CDH2: variants seen among roughly 807,000 people sequenced by gnomAD.
CDH2 encodes the protein cadherin-2.
CDH2 carries 17 observed loss-of-function variants against 92.0 expected under a neutral mutation model. The ratio of observed to expected loss-of-function variants is 0.18; its 90% CI spans 0.13 to 0.28. CDH2 has a LOEUF of 0.28. Among genes scored for constraint, CDH2 ranks in the 10% least tolerant of loss-of-function variants. The pLI is 1.00. For synonymous variants in CDH2, 419 were observed against 415.9 expected, an observed-to-expected ratio of 1.01 and a Z score of -0.09; for missense variants, 862 against 1,133.1, an observed-to-expected ratio of 0.76 and a Z score of 3.44.
At chr18:28,053,893 C>T (rs959807558) in intron 2 of CDH2, among the ~76,000 whole-genome samples, 2 of 152,102 alleles carry the variant, frequency 1.3e-5, no homozygotes, top group Admixed American at 6.6e-5. Flanking sequence ...ATCTTTCTTA[C>T]GGGCTCCCGA....
At chr18:27,938,112 C>T (rs17467823) in intron 6 of CDH2, among the ~76,000 whole-genome samples, 38 of 152,058 alleles carry the variant, frequency 2.5e-4, no homozygotes, top group Non-Finnish European at 4.3e-4. Flanking sequence ...TGTGGCACCG[C>T]CCCCATCTCT....
In CDH2 at chr18:28,013,830, A is replaced by T. The variant is rs2144038346; in HGVS notation, c.252T>A (p.Asp84Glu). ...AGCTTCTCACGGCATACACCATGCC[A>T]TCTTCATCCACCTTAAAATCTGCAG... Reference protein sequence around the residue: ...SEPADFKVDEDGMVYAVRSFP... With the variant: ...SEPADFKVDEEGMVYAVRSFP... Residue 84 changes from aspartate to glutamate, a missense_variant, in exon 3 of 16, where the codon GAT becomes GAA. Asp to Glu is a conservative substitution (Grantham distance 45). This residue lies in a region of CDH2 where 159 missense variants were observed against 177.2 expected (regional missense o/e 0.90). Coordinates refer to ENST00000269141, the MANE Select transcript of CDH2 (RefSeq NM_001792.5). 3 of 1,613,994 alleles carry T rather than the reference A, an allele frequency of 1.9e-6. No individual in the cohort carries two copies. Among genetic ancestry groups the T allele is most frequent in the Non-Finnish European group, 2.5e-6 (3 of 1,179,900 alleles).
chr18:28,142,923 T>C (rs902496274), intron 2 of CDH2, among the ~76,000 whole-genome samples: 1 of 152,040 alleles, frequency 6.6e-6, no homozygotes, highest in Admixed American at 6.6e-5. Flanking sequence ...TATTAAAAAA[T>C]AGAAGAGTTG....
chr18:27,948,783 T>C (rs1208836857), downstream of CDH2, among the ~76,000 whole-genome samples: 1 of 151,900 alleles, frequency 6.6e-6, no homozygotes, highest in East Asian at 1.9e-4. Context: ...TCCAGGACTG[T>C]TGAGGATGAG....
intron 2 of CDH2, among the ~76,000 whole-genome samples, chr18:28,098,004 C>A (rs2015165281): frequency 1.3e-5 from 2 of 151,918 alleles, no homozygotes; most frequent in Admixed American, 6.6e-5. Context: ...TATCCTGTGT[C>A]CCAAAATTTC....
chr18:28,123,312 T>C (rs527336714), intron 2 of CDH2, among the ~76,000 whole-genome samples: 1 of 152,280 alleles, frequency 6.6e-6, no homozygotes, highest in Non-Finnish European at 1.5e-5. Flanking sequence ...TCTCAGATGC[T>C]ATGATGATCC....
intron 2 of CDH2, among the ~76,000 whole-genome samples, chr18:28,020,483 T>C (rs2013380401): frequency 6.6e-6 from 1 of 151,986 alleles, no homozygotes; most frequent in South Asian, 2.1e-4. Context: ...CATGGACATT[T>C]GACTGCTGTA....
chr18:28,022,873 A>C (rs1387492228), intron 2 of CDH2, among the ~76,000 whole-genome samples: 1 of 152,092 alleles, frequency 6.6e-6, no homozygotes, highest in Non-Finnish European at 1.5e-5. Context: ...CTGTGTGTGT[A>C]ATATTTTTAT....
chr18:28,030,277 C>T (rs1035739224), intron 2 of CDH2, among the ~76,000 whole-genome samples: 4 of 151,142 alleles, frequency 2.6e-5, no homozygotes, highest in African/African-American at 7.3e-5. Flanking sequence ...CAGAAAAAAA[C>T]ACGCACCTAA....
At chr18:28,127,655 C>G (rs1440678310) in intron 2 of CDH2, among the ~76,000 whole-genome samples, 1 of 152,078 alleles carries the variant, frequency 6.6e-6, no homozygotes, top group East Asian at 1.9e-4. Context: ...CCTGCAAATA[C>G]TTATGAATAC....
At chr18:28,092,224 G>A (rs965473239) in intron 2 of CDH2, among the ~76,000 whole-genome samples, 21 of 152,152 alleles carry the variant, frequency 1.4e-4, no homozygotes, top group African/African-American at 4.6e-4. Flanking sequence ...AGTCTAACAT[G>A]TAATGACAGT....
chr18:28,041,286 A>T (rs1345913652), intron 2 of CDH2, among the ~76,000 whole-genome samples: 1 of 152,216 alleles, frequency 6.6e-6, no homozygotes, highest in African/African-American at 2.4e-5. Flanking sequence ...AGTGAAAAAC[A>T]TTTTACTTAG....
At chr18:27,963,335 G>C in intron 15 of CDH2, 22 bp downstream of exon 15, 1 of 1,612,242 alleles carries the variant, frequency 6.2e-7, no homozygotes. Flanking sequence ...CTCTTATAGA[G>C]AAAACGAGTG....
chr18:28,014,299 T>C (rs1288411141), intron 2 of CDH2, among the ~76,000 whole-genome samples: 6 of 152,178 alleles, frequency 3.9e-5, no homozygotes, highest in Non-Finnish European at 8.8e-5. Flanking sequence ...TTTTTCTCAG[T>C]CTTCATGTAG....
intron 2 of CDH2, among the ~76,000 whole-genome samples, chr18:28,089,700 T>C (rs1260318438): frequency 6.6e-6 from 1 of 152,222 alleles, no homozygotes; most frequent in Non-Finnish European, 1.5e-5. Flanking sequence ...AACCTGTAAC[T>C]GGTTTTCTTA....
intron 5 of CDH2, among the ~76,000 whole-genome samples, chr18:28,008,216 T>G (rs1248881011): frequency 3.3e-5 from 5 of 152,230 alleles, no homozygotes; most frequent in African/African-American, 9.6e-5. Context: ...GAAATTAGTC[T>G]AAGTAGAGGC....
At chr18:28,058,795 A>G (rs7230771) in intron 2 of CDH2, among the ~76,000 whole-genome samples, 39,000 of 151,936 alleles carry the variant, frequency 0.26, 5,695 homozygotes, top group African/African-American at 0.38. Context: ...AGACCCACTT[A>G]TTTTCACTTC....
intron 2 of CDH2, among the ~76,000 whole-genome samples, chr18:28,033,060 G>A (rs1025713742): frequency 1.3e-5 from 2 of 152,068 alleles, no homozygotes; most frequent in Non-Finnish European, 2.9e-5. Flanking sequence ...AATGGAAATG[G>A]CAGGTGGCTT....
chr18:28,117,049 ATCT>A (rs2015506925), intron 2 of CDH2, among the ~76,000 whole-genome samples: 1 of 152,114 alleles, frequency 6.6e-6, no homozygotes, highest in Non-Finnish European at 1.5e-5. Context: ...TTTGAGATAA[ATCT>A]TCTAATTTTT....
Sources: gnomAD v4.1 joint callset for allele counts (sites outside exome capture counted in the v4.1 genomes callset) on GRCh38, gnomAD v4.1.1 for gene constraint, gnomAD v4.1.1 regional missense constraint, MANE v1.5 for transcripts, NCBI Gene and HGNC (gene_info 2026-07-23, HGNC 2026-07-21) for gene names.